Variants in NUDCD3 observed in about 807,000 individuals in gnomAD.
The protein encoded by NUDCD3 is nudC domain-containing protein 3.
A neutral mutation model predicts 39.7 loss-of-function variants in NUDCD3; 13 were observed. The observed-to-expected ratio is 0.33, with a 90% confidence interval of 0.21 to 0.52. NUDCD3 has a LOEUF of 0.52. Among genes scored for constraint, NUDCD3 ranks in the 20% least tolerant of loss-of-function variants. The probability of loss-of-function intolerance (pLI) is 0.96; values close to 1 mark genes in which losing one functional copy is unlikely to be tolerated. For synonymous variants in NUDCD3, 175 were observed against 172.4 expected, an observed-to-expected ratio of 1.02 and a Z score of -0.12; for missense variants, 453 against 458.1, an observed-to-expected ratio of 0.99 and a Z score of 0.10.
At chr7:44,446,588 C>T (rs951461585) in intron 2 of NUDCD3, among the ~76,000 whole-genome samples, 1 of 152,178 alleles carries the variant, frequency 6.6e-6, no homozygotes, top group African/African-American at 2.4e-5. Flanking sequence ...GGCAGGGATG[C>T]CCCAAAACCT....
rs755819096 is a variant in NUDCD3, at chr7:44,431,668, CTTTTTTTTTT to C, written c.510-3975_510-3966del. ...GAAACAAAAAGGTCCTCTCTCCTTC[CTTTTTTTTTT>C]TTTTTTTTTTTTGAGACGGAGTCTC... On this transcript the variant is annotated intron_variant, in intron 2 of 5. Coordinates refer to ENST00000355451, the MANE Select transcript of NUDCD3 (RefSeq NM_015332.4). Among the ~76,000 whole-genome samples, 11 of 120,836 alleles carry C rather than the reference CTTTTTTTTTT, an allele frequency of 9.1e-5. No individual in the cohort carries two copies. The South Asian group carries it at 2.5e-3, about 27-fold the overall frequency. The allele number at this position is 120,836 out of a possible 152,430, so 79.3% of individuals were successfully genotyped here.
At position 44,485,002 on chromosome 7, in the gene NUDCD3, C is replaced by T. The variant is rs753799747; in HGVS notation, c.475G>A (p.Ala159Thr). The T allele has an allele frequency of 6.2e-7, 1 of 1,613,756 alleles. No homozygotes were observed. The highest frequency in any genetic ancestry group is 8.5e-7 in the Non-Finnish European group (1 of 1,179,760). Residue 159 changes from alanine to threonine, a missense_variant, in exon 2 of 6, where the codon GCT becomes ACT. By Grantham distance (58) the Ala-to-Thr change is moderately conservative. Transcript: ENST00000355451. Reference protein sequence around the residue: ...AEAPGAVAGAAEVPREPPILP... With the variant: ...AEAPGAVAGATEVPREPPILP... ...ATTGGTGGTTCCCTAGGGACTTCAG[C>T]AGCACCAGCAACTGCTCCTGGAGCT...
intron 2 of NUDCD3, among the ~76,000 whole-genome samples, chr7:44,450,166 A>G (rs1355629326): frequency 2.6e-5 from 4 of 151,864 alleles, no homozygotes; most frequent in African/African-American, 9.7e-5. Flanking sequence ...CACTGAACCT[A>G]TAAGAATGTC....
At chr7:44,482,062 T>C (rs1800502894) in intron 2 of NUDCD3, among the ~76,000 whole-genome samples, 1 of 152,234 alleles carries the variant, frequency 6.6e-6, no homozygotes, top group African/African-American at 2.4e-5. Context: ...TATAGCAGCC[T>C]AAGTGGACTA....
intron 5 of NUDCD3, among the ~76,000 whole-genome samples, chr7:44,392,008 C>T (rs1798526104): frequency 6.6e-6 from 1 of 152,188 alleles, no homozygotes; most frequent in Admixed American, 6.5e-5. Flanking sequence ...CTTGATGTTA[C>T]CAGGCTCTGG....
At chr7:44,461,825 C>T (rs774977279) in intron 2 of NUDCD3, among the ~76,000 whole-genome samples, 1 of 152,140 alleles carries the variant, frequency 6.6e-6, no homozygotes, top group Non-Finnish European at 1.5e-5. Flanking sequence ...GGTGCCTGTG[C>T]TGGCCTTCAT....
In NUDCD3 at chr7:44,445,169, A is replaced by G. The variant is rs551107196; in HGVS notation, c.510-17466T>C. Among the ~76,000 whole-genome samples the G allele has an allele frequency of 1.1e-3, 166 of 152,120 alleles. No homozygotes were observed. The Middle Eastern group carries it at 0.014, about 12-fold the overall frequency. On this transcript the variant is annotated intron_variant, in intron 2 of 5. Coordinates refer to ENST00000355451, the MANE Select transcript of NUDCD3 (RefSeq NM_015332.4). The stretch of plus-strand genomic sequence containing the variant: ...CTCCAAAGAACACAGTGCTATCTCT[A>G]TATCTTCCGCACATGCACCCCTGAA...
chr7:44,404,863 T>C (rs1222652263), intron 3 of NUDCD3, among the ~76,000 whole-genome samples: 2 of 152,188 alleles, frequency 1.3e-5, no homozygotes, highest in African/African-American at 2.4e-5. Context: ...AATCTTCTTC[T>C]CCCTTCTCCA....
At chr7:44,400,388 A>G (rs1798698889) in intron 4 of NUDCD3, among the ~76,000 whole-genome samples, 2 of 152,202 alleles carry the variant, frequency 1.3e-5, no homozygotes, top group East Asian at 3.8e-4. Context: ...GCAGCTGGGA[A>G]GCGAAGGCCA....
At chr7:44,461,292 G>C (rs1168243955) in intron 2 of NUDCD3, among the ~76,000 whole-genome samples, 2 of 152,206 alleles carry the variant, frequency 1.3e-5, no homozygotes, top group Non-Finnish European at 2.9e-5. Context: ...GTTTGTCCAA[G>C]CTCCCCCTAA....
At chr7:44,447,541 G>A (rs1370832742) in intron 2 of NUDCD3, among the ~76,000 whole-genome samples, 1 of 152,164 alleles carries the variant, frequency 6.6e-6, no homozygotes, top group Non-Finnish European at 1.5e-5. Context: ...CACCACGTGA[G>A]GACACAGCAT....
At chr7:44,399,620 T>C (rs1000539466) in intron 4 of NUDCD3, among the ~76,000 whole-genome samples, 1 of 152,146 alleles carries the variant, frequency 6.6e-6, no homozygotes, top group Admixed American at 6.5e-5. Context: ...CTGGGTAAAT[T>C]AGCAAAGATA....
chr7:44,480,213 T>C (rs1218228983), intron 2 of NUDCD3, among the ~76,000 whole-genome samples: 3 of 152,212 alleles, frequency 2.0e-5, no homozygotes, highest in Non-Finnish European at 2.9e-5. Flanking sequence ...AAAGTAGCTA[T>C]TCTAGTCTAT....
chr7:44,394,959 G>A (rs1798596324), intron 4 of NUDCD3, among the ~76,000 whole-genome samples: 1 of 152,232 alleles, frequency 6.6e-6, no homozygotes, highest in Admixed American at 6.5e-5. Context: ...CAACAGGAAG[G>A]AGGGGAACAT....
At chr7:44,451,302 T>A (rs117475646) in intron 2 of NUDCD3, among the ~76,000 whole-genome samples, 1 of 152,190 alleles carries the variant, frequency 6.6e-6, no homozygotes, top group East Asian at 1.9e-4. Context: ...AGACAGAAAG[T>A]AGAATGGTGG....
intron 3 of NUDCD3, among the ~76,000 whole-genome samples, chr7:44,420,121 C>A (rs547511235): frequency 6.6e-6 from 1 of 152,018 alleles, no homozygotes; most frequent in Admixed American, 6.6e-5. Flanking sequence ...ACAGGAACTG[C>A]TAACTAGAAT....
intron 3 of NUDCD3, among the ~76,000 whole-genome samples, chr7:44,410,315 G>C (rs1798898962): frequency 6.6e-6 from 1 of 152,190 alleles, no homozygotes; most frequent in Non-Finnish European, 1.5e-5. Flanking sequence ...AATCAAAACA[G>C]TGTGGTACTG....
chr7:44,485,822 A>G (rs1434914531), intron 1 of NUDCD3, among the ~76,000 whole-genome samples: 1 of 152,218 alleles, frequency 6.6e-6, no homozygotes, highest in Non-Finnish European at 1.5e-5. Context: ...CATCAAAATG[A>G]TTTCTGCTGC....
intron 2 of NUDCD3, 95 bp from the exon 3 acceptor site, chr7:44,427,798 C>T (rs115914347): frequency 1.2e-5 from 16 of 1,309,032 alleles, no homozygotes; most frequent in Admixed American, 4.9e-5. Context: ...ATCCTGGAGA[C>T]GTGACCAACT....
Sources: allele counts gnomAD v4.1 joint callset (sites outside exome capture counted in the v4.1 genomes callset), GRCh38; gene constraint gnomAD v4.1.1; transcripts MANE v1.5; gene names NCBI Gene and HGNC (gene_info 2026-07-23, HGNC 2026-07-21).